MME: variants seen among roughly 807,000 people sequenced by gnomAD.
MME encodes the protein neprilysin.
In MME, 98 loss-of-function variants were observed where a neutral mutation model predicts 113.2. The ratio of observed to expected loss-of-function variants is 0.87; its 90% confidence interval spans 0.74 to 1.02. The LOEUF is 1.02. Ranked by LOEUF, MME falls within the 50% of genes least tolerant of loss-of-function variation. MME has a pLI of 0.00. For synonymous variants in MME, 292 were observed against 300.6 expected (o/e 0.97, Z 0.30); for missense variants, 836 against 896.0 (o/e 0.93, Z 0.86).
chr3:155,125,715 C>T (rs973709666), intron 8 of MME, among the ~76,000 whole-genome samples: 1 of 151,828 alleles, frequency 6.6e-6, no homozygotes, highest in Non-Finnish European at 1.5e-5. Flanking sequence ...TGCCTCGGCC[C>T]CCTAAAGTGC....
At chr3:155,175,920 A>G (rs1402419008) in intron 22 of MME, among the ~76,000 whole-genome samples, 1 of 152,086 alleles carries the variant, frequency 6.6e-6, no homozygotes, top group Non-Finnish European at 1.5e-5. Context: ...GATTTTAGTG[A>G]GTTTTGCAGA....
intron 3 of MME, chr3:155,089,699 G>A (rs957956121): frequency 3.4e-6 from 1 of 293,926 alleles, no homozygotes; most frequent in African/African-American, 2.2e-5. Flanking sequence ...TGAATATGTT[G>A]CCTTATATGG....
chr3:155,172,505 C>T (rs1712087772), intron 21 of MME, 31 bp from the exon 22 acceptor site: 1 of 1,526,194 alleles, frequency 6.6e-7, no homozygotes, highest in Non-Finnish European at 9.1e-7. Context: ...AACCTGAGTA[C>T]ATGCTTTGCT....
In MME at chr3:155,116,903, C is replaced by A. The variant is rs202191484; in HGVS notation, c.571C>A (p.Leu191Met). 6.2e-7 allele frequency: 1 copy of A among 1,612,268 alleles called. No individual in the cohort carries two copies. The highest frequency in any genetic ancestry group is 1.7e-5 in the Admixed American group (1 of 59,934). The change falls in exon 7 of 23, where the codon CTG becomes ATG. Residue 191 changes from leucine (L) to methionine (M), a missense_variant. By Grantham distance (15) the Leu-to-Met change is conservative. Transcript: ENST00000360490. Reference protein sequence around the residue: ...SWTAEKAIAQLNSKYGKKVLI... With the variant: ...SWTAEKAIAQMNSKYGKKVLI... ...GACAGCTGAAAAAGCTATTGCACAACTGAATTCTAAATATGGGAAAAAAGT... is the reference window on the plus strand; with the variant it reads ...GACAGCTGAAAAAGCTATTGCACAAATGAATTCTAAATATGGGAAAAAAGT...
intron 22 of MME, among the ~76,000 whole-genome samples, chr3:155,177,206 A>G (rs1712628581): frequency 6.6e-6 from 1 of 152,160 alleles, no homozygotes; most frequent in Non-Finnish European, 1.5e-5. Flanking sequence ...CTAAGAAAAA[A>G]TCCTTTGGAA....
At position 155,147,225 on chromosome 3, in the gene MME, G is replaced by A; in HGVS notation, c.1497+1G>A. ...CAAACTGAATAATGAGTACCTCGAGGTAAGTCTCTATAAAATAGACTCTGG... is the reference window on the plus strand; with the variant it reads ...CAAACTGAATAATGAGTACCTCGAGATAAGTCTCTATAAAATAGACTCTGG... On this transcript the variant is annotated splice_donor_variant, in intron 15 of 22. Coordinates refer to ENST00000360490, the MANE Select transcript of MME (RefSeq NM_007289.4). LOFTEE classifies it high-confidence loss of function. 3 of 1,574,370 alleles carry A rather than the reference G, an allele frequency of 1.9e-6. No individual in the cohort carries two copies. Among genetic ancestry groups the A allele is most frequent in the Non-Finnish European group, 2.6e-6 (3 of 1,144,056 alleles).
chr3:155,125,568 T>G (rs1719581069), intron 8 of MME, among the ~76,000 whole-genome samples: 1 of 146,002 alleles, frequency 6.8e-6, no homozygotes, highest in Admixed American at 7.0e-5. Flanking sequence ...CAAGCAATTC[T>G]CCCAGCCTCG....
upstream of MME, chr3:155,079,995 C>T (rs1714971659): frequency 6.6e-6 from 1 of 152,412 alleles, no homozygotes; most frequent in Admixed American, 6.5e-5. Flanking sequence ...TCTCCCGAAT[C>T]CCACTGGTGA....
At chr3:155,067,304 T>C (rs1331433039) in intron 1 of MME, among the ~76,000 whole-genome samples, 1 of 100,496 alleles carries the variant, frequency 1.0e-5, no homozygotes, top group African/African-American at 5.3e-5. Context: ...ATTTTCCTTT[T>C]TTTTTTTTTT....
chr3:155,150,924 C>T (rs1323483077), intron 16 of MME, among the ~76,000 whole-genome samples: 1 of 152,128 alleles, frequency 6.6e-6, no homozygotes, highest in Non-Finnish European at 1.5e-5. Context: ...ATGATCGAAG[C>T]TCCTCTCATT....
chr3:155,050,912 A>G (rs1336703164), intron 1 of MME, among the ~76,000 whole-genome samples: 1 of 152,128 alleles, frequency 6.6e-6, no homozygotes, highest in Non-Finnish European at 1.5e-5. Flanking sequence ...GCCGGTTCCT[A>G]TGAGGTGACA....
chr3:155,039,490 C>A (rs1164321233), intron 1 of MME, among the ~76,000 whole-genome samples: 1 of 152,094 alleles, frequency 6.6e-6, no homozygotes, highest in African/African-American at 2.4e-5. Flanking sequence ...TGAATAAGTA[C>A]CCTTCATTTT....
At chr3:155,177,023 T>C (rs1157791919) in intron 22 of MME, among the ~76,000 whole-genome samples, 1 of 152,198 alleles carries the variant, frequency 6.6e-6, no homozygotes, top group Admixed American at 6.6e-5. Flanking sequence ...GTGCCCACTC[T>C]CTGCGGTGTT....
At chr3:155,173,933 G>A (rs962261757) in intron 22 of MME, among the ~76,000 whole-genome samples, 15 of 151,934 alleles carry the variant, frequency 9.9e-5, no homozygotes, top group African/African-American at 3.4e-4. Flanking sequence ...TGTAAAATAA[G>A]GATTAAATTA....
At chr3:155,098,319 GC>G (rs1322878043) in intron 3 of MME, among the ~76,000 whole-genome samples, 2 of 152,126 alleles carry the variant, frequency 1.3e-5, no homozygotes, top group Non-Finnish European at 2.9e-5. Flanking sequence ...ACTTTGGGAG[GC>G]CAAGGCAGGC....
chr3:155,133,663 C>CAT (rs61223926), intron 8 of MME, among the ~76,000 whole-genome samples: 4,456 of 136,610 alleles, frequency 0.033, 226 homozygotes, highest in African/African-American at 0.11. Flanking sequence ...ATACACACAC[C>CAT]ATATATATAT....
intron 1 of MME, among the ~76,000 whole-genome samples, chr3:155,048,607 A>G (rs1713647863): frequency 6.6e-6 from 1 of 152,134 alleles, no homozygotes; most frequent in Non-Finnish European, 1.5e-5. Flanking sequence ...GTCTGAAACT[A>G]CCTGCATACC....
In MME at chr3:155,183,419, G is replaced by A. The variant is rs911309785; in HGVS notation, c.*2960G>A. The A allele has an allele frequency of 3.9e-5, 6 of 152,192 alleles. No individual in the cohort carries two copies. Among genetic ancestry groups the A allele is most frequent in the African/African-American group, 1.4e-4 (6 of 41,444 alleles). 9.4% of individuals were successfully genotyped at this position (152,192 alleles called of 1,614,324 possible). ...ATAAACTGAAAACTCCCATTTACGTGTCTGAATCGAGTGAGACAAAATTTT... is the reference window on the plus strand; with the variant it reads ...ATAAACTGAAAACTCCCATTTACGTATCTGAATCGAGTGAGACAAAATTTT... On this transcript the variant is annotated 3_prime_UTR_variant, in exon 23 of 23. Coordinates refer to ENST00000360490, the MANE Select transcript of MME (RefSeq NM_007289.4).
intron 4 of MME, among the ~76,000 whole-genome samples, chr3:155,116,219 A>T (rs1290836026): frequency 6.6e-6 from 1 of 151,246 alleles, no homozygotes; most frequent in Admixed American, 6.6e-5. Context: ...AAGATAATCT[A>T]GTCAAAAGGA....
Sources: allele counts gnomAD v4.1 joint callset (sites outside exome capture counted in the v4.1 genomes callset), GRCh38; gene constraint gnomAD v4.1.1; transcripts MANE v1.5; gene names NCBI Gene and HGNC (gene_info 2026-07-23, HGNC 2026-07-21).